Variants in POU2AF2 observed in about 807,000 individuals in gnomAD.
The protein encoded by POU2AF2 is POU domain class 2-associating factor 2.
chr11:111,265,146 A>C, the POU2AF2 span, among the ~76,000 whole-genome samples: 33 of 152,314 alleles, frequency 2.2e-4, no homozygotes, highest in Non-Finnish European at 3.5e-4. Context: ...TGTGACGTGC[A>C]GCGGATGAAC....
At chr11:111,247,144 C>T in the POU2AF2 span, among the ~76,000 whole-genome samples, 1 of 149,876 alleles carries the variant, frequency 6.7e-6, no homozygotes, top group Non-Finnish European at 1.5e-5. Flanking sequence ...GCAGGATCTC[C>T]TTCTTTTTAA....
At chr11:111,285,766 C>T in the POU2AF2 span, 54 of 1,613,044 alleles carry the variant, frequency 3.3e-5, no homozygotes, top group East Asian at 2.7e-4. Context: ...AGCTTGAGTC[C>T]GGGAGCATCG....
the POU2AF2 span, chr11:111,284,125 T>A: frequency 5.0e-6 from 8 of 1,614,216 alleles, no homozygotes; most frequent in Non-Finnish European, 6.8e-6. Context: ...CTTTCTTATC[T>A]GACTCAGACT....
the POU2AF2 span, among the ~76,000 whole-genome samples, chr11:111,274,775 G>T: frequency 3.3e-5 from 5 of 151,610 alleles, no homozygotes; most frequent in African/African-American, 9.7e-5. Context: ...ATTTTTAATT[G>T]TTGAGTTATT....
chr11:111,272,961 A>T, the POU2AF2 span, among the ~76,000 whole-genome samples: 2 of 152,112 alleles, frequency 1.3e-5, no homozygotes, highest in Admixed American at 1.3e-4. Flanking sequence ...CCACACATTG[A>T]TTTGCCCCTT....
the POU2AF2 span, among the ~76,000 whole-genome samples, chr11:111,264,915 GAGAAAGAAAGA>G: frequency 3.5e-5 from 4 of 115,478 alleles, no homozygotes; most frequent in African/African-American, 9.9e-5. Flanking sequence ...GGAAAAGAAA[GAGAAAGAAAGA>G]AGAAAGAAAG....
chr11:111,280,078 A>ATATATATATATATATCTATC, the POU2AF2 span, among the ~76,000 whole-genome samples: 1 of 129,634 alleles, frequency 7.7e-6, no homozygotes, highest in African/African-American at 2.7e-5. Context: ...ATATATATAT[A>ATATATATATATATATCTATC]TATCTTTTGG....
chr11:111,267,267 A>G, the POU2AF2 span, among the ~76,000 whole-genome samples: 2 of 151,734 alleles, frequency 1.3e-5, no homozygotes, highest in Admixed American at 1.3e-4. Context: ...TATGGAGAAC[A>G]CTGAATAGAG....
the POU2AF2 span, chr11:111,245,927 A>G: frequency 2.4e-4 from 97 of 398,276 alleles, no homozygotes; most frequent in Middle Eastern, 6.3e-4. Flanking sequence ...TTTTGATAAC[A>G]CAAAGTCATA....
chr11:111,254,149 G>A, the POU2AF2 span, among the ~76,000 whole-genome samples: 1 of 152,114 alleles, frequency 6.6e-6, no homozygotes, highest in African/African-American at 2.4e-5. Context: ...TGTGACCTTA[G>A]GCTTTTCCAA....
the POU2AF2 span, among the ~76,000 whole-genome samples, chr11:111,257,000 T>C: frequency 0.015 from 2,298 of 152,338 alleles, 21 homozygotes; most frequent in Non-Finnish European, 0.021. Flanking sequence ...CCCAAATGTT[T>C]AAGTAGTTGC....
the POU2AF2 span, chr11:111,285,816 G>A: frequency 6.2e-7 from 1 of 1,608,158 alleles, no homozygotes; most frequent in Non-Finnish European, 8.5e-7. Context: ...TCCCTGGCTG[G>A]GGCTCAGTCA....
the POU2AF2 span, among the ~76,000 whole-genome samples, chr11:111,276,451 A>ATATATATATAT: frequency 2.4e-4 from 10 of 41,956 alleles, no homozygotes; most frequent in Non-Finnish European, 3.5e-4. Context: ...AAAAAAAAAA[A>ATATATATATAT]AAATATATAT....
chr11:111,285,540 G>A, the POU2AF2 span: 11 of 1,148,650 alleles, frequency 9.6e-6, no homozygotes, highest in Non-Finnish European at 1.1e-5. Context: ...CCAGGCTTCA[G>A]GCAGCAGAGA....
chr11:111,284,114 T>A, the POU2AF2 span: 1 of 1,614,168 alleles, frequency 6.2e-7, no homozygotes, highest in Non-Finnish European at 8.5e-7. Context: ...TGTCAGAAGA[T>A]CTTTCTTATC....
chr11:111,248,701 G>A, the POU2AF2 span, among the ~76,000 whole-genome samples: 1 of 151,916 alleles, frequency 6.6e-6, no homozygotes, highest in Non-Finnish European at 1.5e-5. Context: ...CTTACGTAAA[G>A]TCACAAAAAC....
the POU2AF2 span, chr11:111,284,108 A>G: frequency 6.2e-7 from 1 of 1,614,206 alleles, no homozygotes; most frequent in Non-Finnish European, 8.5e-7. Flanking sequence ...CTACGGTGTC[A>G]GAAGATCTTT....
chr11:111,258,334 A>T, the POU2AF2 span, among the ~76,000 whole-genome samples: 1 of 152,212 alleles, frequency 6.6e-6, no homozygotes, highest in African/African-American at 2.4e-5. Flanking sequence ...TGGAAAGGCA[A>T]GAGTTGCACA....
the POU2AF2 span, among the ~76,000 whole-genome samples, chr11:111,264,560 GAAAGAAAGA>G: frequency 1.8e-5 from 1 of 56,218 alleles, no homozygotes; most frequent in South Asian, 9.3e-4. Context: ...AAGAAAGAAA[GAAAGAAAGA>G]AAGAAAGGGA....
Sources: gnomAD v4.1 joint callset for allele counts (sites outside exome capture counted in the v4.1 genomes callset) on GRCh38, gnomAD v4.1.1 for gene constraint, MANE v1.5 for transcripts, NCBI Gene and HGNC (gene_info 2026-07-23, HGNC 2026-07-21) for gene names.